KCNN3: variants seen among roughly 807,000 people sequenced by gnomAD.
KCNN3 encodes the protein potassium calcium-activated channel subfamily N member 3, also known as small conductance calcium-activated potassium channel protein 3.
A neutral mutation model predicts 62.9 loss-of-function variants in KCNN3; 16 were observed. That is an observed-to-expected ratio of 0.25 (90% CI 0.17 to 0.39). The LOEUF (loss-of-function observed/expected upper bound fraction) is 0.39. Ranked by LOEUF, KCNN3 falls within the 10% of genes least tolerant of loss-of-function variation. The pLI, the probability that KCNN3 is intolerant of heterozygous loss-of-function variation, is 1.00. For synonymous variants in KCNN3, 370 were observed against 389.2 expected, an observed-to-expected ratio of 0.95 and a Z score of 0.58; for missense variants, 599 against 949.4, an observed-to-expected ratio of 0.63 and a Z score of 4.85.
intron 2 of KCNN3, among the ~76,000 whole-genome samples, chr1:154,776,773 A>AG (rs1203454496): frequency 2.0e-5 from 3 of 152,222 alleles, no homozygotes; most frequent in African/African-American, 7.2e-5. Flanking sequence ...TTCTCAACCT[A>AG]CTTGCGTCGC....
intron 1 of KCNN3, among the ~76,000 whole-genome samples, chr1:154,831,724 G>A (rs1651384839): frequency 6.6e-6 from 1 of 152,124 alleles, no homozygotes; most frequent in Non-Finnish European, 1.5e-5. Flanking sequence ...TCCTCTCAAT[G>A]TAGCCCTGGA....
intron 7 of KCNN3, 26 bp from the exon 8 acceptor site, chr1:154,708,298 A>T: frequency 6.2e-7 from 1 of 1,610,798 alleles, no homozygotes; most frequent in Non-Finnish European, 8.5e-7. Flanking sequence ...GAGGCGAGAG[A>T]CAGGGAGATG....
chr1:154,709,129 C>A (rs564307947), intron 7 of KCNN3, among the ~76,000 whole-genome samples: 65 of 152,280 alleles, frequency 4.3e-4, no homozygotes, highest in African/African-American at 1.5e-3. Context: ...TCCAGGGGTG[C>A]CGGCCGATTA....
rs533318628 is a variant in KCNN3, at chr1:154,814,036, A to T, written c.1029+8053T>A. ...CCATGGCCAGCGGCCGATCCAAGTG[A>T]AAAGGTGCTGGGATCGAGGTGGGCC... On this transcript the variant is annotated intron_variant, in intron 2 of 7. Transcript: ENST00000271915. 2.0e-5 allele frequency among the ~76,000 whole-genome samples: 3 copies of T among 152,376 alleles called. 1 individual carries two copies. The highest frequency in any genetic ancestry group is 2.0e-4 in the Admixed American group (3 of 15,310).
chr1:154,789,372 C>A (rs1410804310), intron 2 of KCNN3, among the ~76,000 whole-genome samples: 1 of 152,150 alleles, frequency 6.6e-6, no homozygotes, highest in Non-Finnish European at 1.5e-5. Context: ...GTCCCTTTTG[C>A]CAGGATATCC....
At chr1:154,787,120 C>T (rs1649314776) in intron 2 of KCNN3, among the ~76,000 whole-genome samples, 1 of 152,242 alleles carries the variant, frequency 6.6e-6, no homozygotes, top group Admixed American at 6.5e-5. Flanking sequence ...AAAATACTTC[C>T]AGGGCATGAA....
rs116328507 is a variant in KCNN3 at position 154,721,104 on chromosome 1, G to A, written c.1701+4812C>T. 5.0e-3 allele frequency among the ~76,000 whole-genome samples: 761 copies of A among 152,220 alleles called. 4 individuals carry two copies. Among genetic ancestry groups the A allele is most frequent in the African/African-American group, 0.017 (717 of 41,512 alleles). On this transcript the variant is annotated intron_variant, in intron 5 of 7. Transcript: ENST00000271915. ...TGAATTCATGGGGAAGTGTACTTGG[G>A]TGAGCTACTTGGGGCAAGAAACCCC...
chr1:154,757,693 G>A (rs1450407150), intron 3 of KCNN3, among the ~76,000 whole-genome samples: 1 of 152,162 alleles, frequency 6.6e-6, no homozygotes, highest in Admixed American at 6.5e-5. Flanking sequence ...CACTATGTTC[G>A]TTCTGGGGCC....
chr1:154,869,397 G>A lies in KCNN3; in HGVS notation c.568C>T (p.Arg190Cys), dbSNP rs1558015271. The A allele has an allele frequency of 6.2e-7, 1 of 1,614,040 alleles. No individual in the cohort carries two copies. The highest frequency in any genetic ancestry group is 8.5e-7 in the Non-Finnish European group (1 of 1,179,954). ...YSGGVMKPLS[R>C]LSASRRNLIE... ...AGGTTCCTCCGGGAGGCGCTGAGGCGGCTGAGGGGCTTCATGACCCCACCG... is the reference window on the plus strand; with the variant it reads ...AGGTTCCTCCGGGAGGCGCTGAGGCAGCTGAGGGGCTTCATGACCCCACCG... Residue 190 changes from arginine (R) to cysteine (C), a missense_variant, in exon 1 of 8, where the codon CGC becomes TGC. Physicochemically the swap from Arg to Cys is radical, Grantham distance 180 (BLOSUM62 -3). Transcript: ENST00000271915. This position sits in a 1 kb window ranked among gnomAD's most constrained non-coding sequence, Gnocchi z 6.1.
intron 2 of KCNN3, among the ~76,000 whole-genome samples, chr1:154,798,770 C>G (rs764724749): frequency 1.8e-4 from 28 of 152,222 alleles, no homozygotes; most frequent in Middle Eastern, 3.2e-3. Context: ...TGTGAAGTTA[C>G]ACAACTAAGA....
At chr1:154,748,181 C>T (rs965024102) in intron 3 of KCNN3, among the ~76,000 whole-genome samples, 1 of 152,144 alleles carries the variant, frequency 6.6e-6, no homozygotes, top group Non-Finnish European at 1.5e-5. Flanking sequence ...CTGCTGTGGG[C>T]CTCTGCTTTC....
chr1:154,852,348 C>CATATG (rs1294344062), intron 1 of KCNN3, among the ~76,000 whole-genome samples: 161 of 150,622 alleles, frequency 1.1e-3, no homozygotes, highest in African/African-American at 3.7e-3. Context: ...GAACCACAGG[C>CATATG]ATATGCCACA....
At chr1:154,752,657 G>C (rs914896895) in intron 3 of KCNN3, among the ~76,000 whole-genome samples, 1 of 89,104 alleles carries the variant, frequency 1.1e-5, no homozygotes, top group African/African-American at 4.6e-5. Flanking sequence ...CGAAGATAGT[G>C]CTCCTTATTT....
intron 2 of KCNN3, among the ~76,000 whole-genome samples, chr1:154,805,741 G>C (rs1650146932): frequency 6.6e-6 from 1 of 152,042 alleles, no homozygotes; most frequent in African/African-American, 2.4e-5. Context: ...TGTGACTTTG[G>C]GTATGTGATC....
chr1:154,832,920 G>A (rs1040756647), intron 1 of KCNN3, among the ~76,000 whole-genome samples: 5 of 152,190 alleles, frequency 3.3e-5, no homozygotes, highest in African/African-American at 1.2e-4. Context: ...CAGGGAACTG[G>A]CTACATTCAT....
intron 2 of KCNN3, among the ~76,000 whole-genome samples, chr1:154,775,315 T>C (rs1648742459): frequency 6.6e-6 from 1 of 152,118 alleles, no homozygotes; most frequent in African/African-American, 2.4e-5. Context: ...GATATGTTTC[T>C]GCAGCAAGGG....
At chr1:154,763,558 T>A (rs1571251464) in intron 3 of KCNN3, among the ~76,000 whole-genome samples, 1 of 152,200 alleles carries the variant, frequency 6.6e-6, no homozygotes, top group Non-Finnish European at 1.5e-5. Context: ...AAGGATGTTT[T>A]TCATCTGAGT....
At chr1:154,868,763 C>G (rs192412142) in intron 1 of KCNN3, among the ~76,000 whole-genome samples, 22 of 152,140 alleles carry the variant, frequency 1.4e-4, no homozygotes, top group Admixed American at 1.2e-3. Flanking sequence ...TCCCCTACCC[C>G]CCAGAGGAAG....
At chr1:154,786,648 A>T (rs1351737629) in intron 2 of KCNN3, among the ~76,000 whole-genome samples, 3 of 152,264 alleles carry the variant, frequency 2.0e-5, no homozygotes, top group Admixed American at 2.0e-4. Flanking sequence ...ACATTTTTGT[A>T]TAAGCACACA....
Sources: allele counts gnomAD v4.1 joint callset (sites outside exome capture counted in the v4.1 genomes callset), GRCh38; gene constraint gnomAD v4.1.1; non-coding constraint Gnocchi (gnomAD v3.1); transcripts MANE v1.5; gene names NCBI Gene and HGNC (gene_info 2026-07-23, HGNC 2026-07-21).